The following MAF variants were observed in gnomAD, a reference collection of about 807,000 sequenced individuals.
MAF encodes the protein MAF bZIP transcription factor.
A neutral mutation model predicts 22.0 loss-of-function variants in MAF; 10 were observed. The observed-to-expected ratio is 0.45, with a 90% confidence interval of 0.28 to 0.77. The LOEUF (loss-of-function observed/expected upper bound fraction) is 0.77. MAF is among the 30% of genes least tolerant of loss of function. The probability of loss-of-function intolerance (pLI) is 0.12; values close to 1 mark genes in which losing one functional copy is unlikely to be tolerated. For missense variants in MAF, 544 were observed against 548.4 expected (o/e 0.99, Z 0.08); for synonymous variants, 337 against 255.8 (o/e 1.32, Z -3.03).
At chr16:79,469,025 C>T in the MAF span, among the ~76,000 whole-genome samples, 1 of 152,144 alleles carries the variant, frequency 6.6e-6, no homozygotes, top group African/African-American at 2.4e-5. Context: ...TGTCCTTATG[C>T]TAGCAGGCAT....
At chr16:79,596,095 C>T in intron 1 of MAF, 1 of 1,062,564 alleles carries the variant, frequency 9.4e-7, no homozygotes, top group Non-Finnish European at 1.1e-6. Context: ...GTGCGCAAGC[C>T]ACCTCTGATG....
chr16:79,540,758 C>T, the MAF span, among the ~76,000 whole-genome samples: 1 of 152,170 alleles, frequency 6.6e-6, no homozygotes, highest in Non-Finnish European at 1.5e-5. Flanking sequence ...CAAATATGAG[C>T]ATCAGGACTC....
the MAF span, among the ~76,000 whole-genome samples, chr16:79,483,364 G>C: frequency 6.8e-6 from 1 of 147,876 alleles, no homozygotes; most frequent in South Asian, 2.3e-4. Flanking sequence ...GAAGGGACAG[G>C]ACAGAATAGA....
chr16:79,380,894 C>A, the MAF span, among the ~76,000 whole-genome samples: 2 of 152,222 alleles, frequency 1.3e-5, no homozygotes, highest in African/African-American at 2.4e-5. Flanking sequence ...TCTGCCAAAT[C>A]TGGGATGGCC....
the MAF span, among the ~76,000 whole-genome samples, chr16:79,384,965 T>G: frequency 2.0e-5 from 3 of 152,176 alleles, no homozygotes; most frequent in African/African-American, 7.2e-5. Flanking sequence ...AGGCCATATT[T>G]GAACAATGTG....
At chr16:79,271,088 T>TTTG in the MAF span, among the ~76,000 whole-genome samples, 43,409 of 142,466 alleles carry the variant, frequency 0.3, 6,740 homozygotes, top group East Asian at 0.44. Flanking sequence ...TTTTTATTTT[T>TTTG]TATTTTTAGT....
At chr16:79,460,104 G>A in the MAF span, among the ~76,000 whole-genome samples, 1 of 152,020 alleles carries the variant, frequency 6.6e-6, no homozygotes, top group South Asian at 2.1e-4. Flanking sequence ...TTTGTATTCT[G>A]TGAATACTAA....
the MAF span, among the ~76,000 whole-genome samples, chr16:79,301,066 G>A: frequency 4.6e-5 from 7 of 151,976 alleles, no homozygotes; most frequent in African/African-American, 1.4e-4. Context: ...ACACAAAACC[G>A]AAAACCAAGC....
At chr16:79,364,169 G>C in the MAF span, among the ~76,000 whole-genome samples, 1 of 152,200 alleles carries the variant, frequency 6.6e-6, no homozygotes, top group Admixed American at 6.5e-5. Flanking sequence ...CATCCTGTAG[G>C]AGGGAGCCCA....
chr16:79,265,169 G>A, the MAF span, among the ~76,000 whole-genome samples: 11 of 152,134 alleles, frequency 7.2e-5, no homozygotes, highest in Non-Finnish European at 8.8e-5. Flanking sequence ...TATTATTCAA[G>A]ATCCATTAAT....
the MAF span, among the ~76,000 whole-genome samples, chr16:79,459,907 A>C: frequency 6.6e-6 from 1 of 152,092 alleles, no homozygotes; most frequent in African/African-American, 2.4e-5. Flanking sequence ...CATTCTCATA[A>C]ATATATCTGT....
chr16:79,206,072 AT>A, the MAF span: 2 of 152,144 alleles, frequency 1.3e-5, no homozygotes, highest in East Asian at 3.9e-4. Context: ...CTGAGTCTTC[AT>A]TTTTGTTCAT....
At chr16:79,569,894 G>A in the MAF span, among the ~76,000 whole-genome samples, 2 of 152,086 alleles carry the variant, frequency 1.3e-5, no homozygotes, top group Admixed American at 1.3e-4. Flanking sequence ...AACAATTGAC[G>A]TTGGCTTCAT....
the MAF span, among the ~76,000 whole-genome samples, chr16:79,341,582 T>C: frequency 6.6e-6 from 1 of 152,250 alleles, no homozygotes; most frequent in African/African-American, 2.4e-5. Flanking sequence ...GGAGTGACTA[T>C]ATAGTTCAGC....
the MAF span, among the ~76,000 whole-genome samples, chr16:79,522,858 T>C: frequency 6.6e-6 from 1 of 152,304 alleles, no homozygotes; most frequent in Non-Finnish European, 1.5e-5. Context: ...AGAAACTTGT[T>C]TCATGAACAC....
chr16:79,272,597 C>T, the MAF span, among the ~76,000 whole-genome samples: 3 of 152,230 alleles, frequency 2.0e-5, no homozygotes, highest in Non-Finnish European at 4.4e-5. Flanking sequence ...TCTGAACTTC[C>T]TGAGGTTTGG....
At chr16:79,591,929 C>A (rs1308694734), downstream of MAF, among the ~76,000 whole-genome samples, 1 of 151,932 alleles carries the variant, frequency 6.6e-6, no homozygotes, top group African/African-American at 2.4e-5. Flanking sequence ...TGGGTTTAGT[C>A]CCCAAAATTG....
chr16:79,247,552 G>C, the MAF span, among the ~76,000 whole-genome samples: 1 of 152,050 alleles, frequency 6.6e-6, no homozygotes, highest in Non-Finnish European at 1.5e-5. Context: ...TAGGGTTTTT[G>C]CCAAAACAGC....
chr16:79,237,744 G>A, the MAF span, among the ~76,000 whole-genome samples: 1 of 152,150 alleles, frequency 6.6e-6, no homozygotes, highest in Non-Finnish European at 1.5e-5. Context: ...TGTATTTGCA[G>A]GGTGCTTACT....
Sources: gnomAD v4.1 joint callset for allele counts (sites outside exome capture counted in the v4.1 genomes callset) on GRCh38, gnomAD v4.1.1 for gene constraint, MANE v1.5 for transcripts, NCBI Gene and HGNC (gene_info 2026-07-23, HGNC 2026-07-21) for gene names.